SUPT5H: variants seen among roughly 807,000 people sequenced by gnomAD.
SUPT5H encodes the protein transcription elongation factor SPT5.
A neutral mutation model predicts 142.5 loss-of-function variants in SUPT5H; 24 were observed. That is an observed-to-expected ratio of 0.17 (90% confidence interval 0.12 to 0.24). The LOEUF is 0.24. Ranked by LOEUF, SUPT5H falls within the 10% of genes least tolerant of loss-of-function variation. SUPT5H has a pLI of 1.00. For missense variants in SUPT5H, 893 were observed against 1,471.8 expected (o/e 0.61, Z 6.43); for synonymous variants, 546 against 553.0 (o/e 0.99, Z 0.18).
intron 3 of SUPT5H, among the ~76,000 whole-genome samples, chr19:39,456,126 A>G (rs1184027793): frequency 6.6e-6 from 1 of 151,560 alleles, no homozygotes; most frequent in Non-Finnish European, 1.5e-5. Flanking sequence ...CATGTTGGCC[A>G]GGCTGGTCTC....
Position 39,459,872 on chromosome 19 carries a change from A to G in SUPT5H, c.556-20A>G. 1 of 1,613,308 alleles carries G rather than the reference A, an allele frequency of 6.2e-7. No individual in the cohort carries two copies. Among genetic ancestry groups the G allele is most frequent in the Non-Finnish European group, 8.5e-7 (1 of 1,179,704 alleles). ...TCCTCCATCCTGTCATCTCTCTCAA[A>G]TCTGCCTCTCATCTTCCAGATTGGG... On this transcript the variant is annotated intron_variant, in intron 9 of 29. Transcript: ENST00000432763.
In SUPT5H at chr19:39,457,893, C is replaced by T. The variant is rs776528579; in HGVS notation, c.307+153C>T. 1.5e-5 allele frequency: 21 copies of T among 1,386,412 alleles called. No homozygotes were observed. In the East Asian group the frequency reaches 2.2e-4, roughly 15 times the overall value. The allele number at this position is 1,386,412 out of a possible 1,614,324, so 85.9% of individuals were successfully genotyped here. On this transcript the variant is annotated intron_variant, in intron 4 of 29. Coordinates refer to ENST00000432763, the MANE Select transcript of SUPT5H (RefSeq NM_001111020.3). ...TCTGTCCTTCCCAGAGAGACCAGCTCCCTGCTTTTTCCTTTTAGGCCCATG... is the reference window on the plus strand; with the variant it reads ...TCTGTCCTTCCCAGAGAGACCAGCTTCCTGCTTTTTCCTTTTAGGCCCATG...
Position 39,458,241 on chromosome 19 carries a change from CCA to C in SUPT5H, c.308-51_308-50del. ...CTTTGTCTGCCCTCGCCCACCACCA[CCA>C]CCACCACCACCACCACCACCACCAC... On this transcript the variant is annotated intron_variant, in intron 4 of 29. Coordinates refer to ENST00000432763, the MANE Select transcript of SUPT5H (RefSeq NM_001111020.3). This position sits in a 1 kb window ranked among gnomAD's most constrained non-coding sequence, Gnocchi z 4.2. 2.1e-6 allele frequency: 2 copies of C among 974,206 alleles called. No homozygotes were observed. The highest frequency in any genetic ancestry group is 3.1e-6 in the Non-Finnish European group (2 of 644,900). 60.3% of individuals were successfully genotyped at this position (974,206 alleles called of 1,614,324 possible). A position where few individuals can be genotyped will look rare whatever the true frequency, so the allele number is the denominator to read the frequency against.
At position 39,453,496 on chromosome 19, in the gene SUPT5H, T is replaced by C. The variant is rs2079047102; in HGVS notation, c.216T>C (p.His72=). 3 of 1,547,888 alleles carry C rather than the reference T, an allele frequency of 1.9e-6. No homozygotes were observed. The highest frequency in any genetic ancestry group is 1.4e-5 in the African/African-American group (1 of 72,930). Residue 72 remains histidine (H), a synonymous_variant, in exon 3 of 30, where the codon CAT becomes CAC. Transcript: ENST00000432763. ...ACCGACCCCCCAAGAAACCCCGCCA[T>C]GGAGGCTTCATTCTGGACGAGGCTG... ...DDDRPPKKPR[H]GGFILDEADV... is the part of the protein sequence containing the mutation.
chr19:39,458,380 C>T lies in SUPT5H; in HGVS notation c.319+75C>T. 2 of 1,601,868 alleles carry T rather than the reference C, an allele frequency of 1.2e-6. No homozygotes were observed. Reference sequence around the variant, plus strand: ...ATTTCCTCCTTCCTGAGGCACCTGCCCTCACCGGTAGCCTCCCCACCAGCC... The same window carrying T: ...ATTTCCTCCTTCCTGAGGCACCTGCTCTCACCGGTAGCCTCCCCACCAGCC... On this transcript the variant is annotated intron_variant, in intron 5 of 29. Coordinates refer to ENST00000432763, the MANE Select transcript of SUPT5H (RefSeq NM_001111020.3). This position sits in a 1 kb window ranked among gnomAD's most constrained non-coding sequence, Gnocchi z 4.2.
In SUPT5H at chr19:39,466,322, C is replaced by T. The variant is rs1350744569; in HGVS notation, c.877-158C>T. 6.6e-6 allele frequency among the ~76,000 whole-genome samples: 1 copy of T among 152,182 alleles called. No homozygotes were observed. Among genetic ancestry groups the T allele is most frequent in the Admixed American group, 6.5e-5 (1 of 15,276 alleles). The stretch of plus-strand genomic sequence containing the variant: ...CTACTCAGTGCCAGAGTTGAGGGGA[C>T]AGACAAGCTAGCGTGGGACTTTTGG... On this transcript the variant is annotated intron_variant, in intron 11 of 29. Coordinates refer to ENST00000432763, the MANE Select transcript of SUPT5H (RefSeq NM_001111020.3). This position sits in a 1 kb window ranked among gnomAD's most constrained non-coding sequence, Gnocchi z 4.3.
chr19:39,453,612 TCTGTCGCC>T, intron 3 of SUPT5H, 91 bp downstream of exon 3: 2 of 1,394,368 alleles, frequency 1.4e-6, no homozygotes, highest in Non-Finnish European at 1.9e-6. Flanking sequence ...GGAGTCTCGC[TCTGTCGCC>T]CAGGCTGGAG....
In SUPT5H at chr19:39,466,978, A is replaced by G. The variant is rs1320148077; in HGVS notation, c.1037+233A>G. 3.7e-6 allele frequency: 2 copies of G among 537,652 alleles called. No homozygotes were observed. The highest frequency in any genetic ancestry group is 3.1e-5 in the East Asian group (1 of 32,478). 33.3% of individuals were successfully genotyped at this position (537,652 alleles called of 1,614,324 possible). ...AGGGAGCACTTTGGAAGGCTAAGGC[A>G]GGAGGCTTGCTTGAGGCAAGGAGTT... On this transcript the variant is annotated intron_variant, in intron 13 of 29. Transcript: ENST00000432763. This position sits in a 1 kb window ranked among gnomAD's most constrained non-coding sequence, Gnocchi z 4.3.
Position 39,469,888 on chromosome 19 carries a change from T to G in SUPT5H, c.1375-231T>G. The G allele has an allele frequency of 1.8e-6, 1 of 554,462 alleles. No homozygotes were observed. The allele number at this position is 554,462 out of a possible 1,614,324, so 34.3% of individuals were successfully genotyped here. A position where few individuals can be genotyped will look rare whatever the true frequency, so the allele number is the denominator to read the frequency against. ...TGGGTATAGGTAGGCATCGTGTGTCTTGAGGGCGGGCTGGGGTAAAGGTTG... is the reference window on the plus strand; with the variant it reads ...TGGGTATAGGTAGGCATCGTGTGTCGTGAGGGCGGGCTGGGGTAAAGGTTG... On this transcript the variant is annotated intron_variant, in intron 16 of 29. Coordinates refer to ENST00000432763, the MANE Select transcript of SUPT5H (RefSeq NM_001111020.3). The surrounding 1 kb of genome is among the most constrained non-coding windows in gnomAD (Gnocchi z 5.1).
At chr19:39,464,671 A>G in intron 10 of SUPT5H, 127 bp from the exon 11 acceptor site, 2 of 1,374,836 alleles carry the variant, frequency 1.5e-6, no homozygotes, top group East Asian at 2.4e-5. Context: ...CTTTGTGTCC[A>G]TGTCATTGTG....
intron 8 of SUPT5H, 111 bp from the exon 9 acceptor site, chr19:39,459,448 G>A (rs2079133225): frequency 1.4e-6 from 2 of 1,454,968 alleles, no homozygotes; most frequent in Non-Finnish European, 1.9e-6. Context: ...GTCAGTGAGT[G>A]TGAGGGAACC....
chr19:39,466,720 A>T lies in SUPT5H; in HGVS notation c.1012A>T (p.Arg338Trp). The T allele has an allele frequency of 6.2e-7, 1 of 1,614,154 alleles. No individual in the cohort carries two copies. The highest frequency in any genetic ancestry group is 8.5e-7 in the Non-Finnish European group (1 of 1,180,030). Residue 338 changes from arginine (R) to tryptophan (W), a missense_variant, in exon 13 of 30, where the codon AGG (arginine) becomes TGG (tryptophan). This residue lies in a region of SUPT5H where 428 missense variants were observed against 763.5 expected (regional missense o/e 0.56). Transcript: ENST00000432763. The surrounding 1 kb of genome is among the most constrained non-coding windows in gnomAD (Gnocchi z 4.3). The part of the protein sequence containing the change: ...KRKKFKRPPQ[R>W]LFDAEKIRSL... ...GAAGAAGTTTAAGCGGCCTCCACAG[A>T]GGCTGTTTGATGCTGAGAAGATCAG...
In SUPT5H at chr19:39,457,924, G is replaced by T. The variant is rs1036081350; in HGVS notation, c.307+184G>T. 5 of 1,124,144 alleles carry T rather than the reference G, an allele frequency of 4.4e-6. No individual in the cohort carries two copies. The African/African-American group carries it at 7.7e-5, about 17-fold the overall frequency. The allele number at this position is 1,124,144 out of a possible 1,614,324, so 69.6% of individuals were successfully genotyped here. ...TTTTTCCTTTTAGGCCCATGAGTGG[G>T]GGGTGGGGCCCTGGGGTGGGGATGT... On this transcript the variant is annotated intron_variant, in intron 4 of 29. Transcript: ENST00000432763.
At chr19:39,457,884 AG>A in intron 4 of SUPT5H, 144 bp downstream of exon 4, 2 of 1,413,962 alleles carry the variant, frequency 1.4e-6, no homozygotes, top group South Asian at 2.5e-5. Flanking sequence ...CTTCCCAGAG[AG>A]ACCAGCTCCC....
intron 3 of SUPT5H, among the ~76,000 whole-genome samples, chr19:39,456,296 C>T (rs2146087946): frequency 6.6e-6 from 1 of 151,268 alleles, no homozygotes; most frequent in East Asian, 1.9e-4. Flanking sequence ...GTGGCATGAT[C>T]ATGGCTCACT....
Position 39,458,679 on chromosome 19 carries a change from G to A in SUPT5H, c.320-139G>A. Reference sequence around the variant, plus strand: ...TGAGTAGGACAGAGTAGGGGATGAGGGGTTGGGATTTCCTCTGTGAGATGT... The same window carrying A: ...TGAGTAGGACAGAGTAGGGGATGAGAGGTTGGGATTTCCTCTGTGAGATGT... On this transcript the variant is annotated intron_variant, in intron 5 of 29. Coordinates refer to ENST00000432763, the MANE Select transcript of SUPT5H (RefSeq NM_001111020.3). The surrounding 1 kb of genome is among the most constrained non-coding windows in gnomAD (Gnocchi z 4.2). 1.2e-6 allele frequency: 1 copy of A among 808,328 alleles called. No individual in the cohort carries two copies. Among genetic ancestry groups the A allele is most frequent in the Non-Finnish European group, 2.0e-6 (1 of 512,802 alleles). 50.1% of individuals were successfully genotyped at this position (808,328 alleles called of 1,614,324 possible).
Position 39,476,064 on chromosome 19 carries a change from C to T in SUPT5H, c.3025-17C>T, listed in dbSNP as rs779022985. 4 of 1,612,116 alleles carry T rather than the reference C, an allele frequency of 2.5e-6. No individual in the cohort carries two copies. In the South Asian group the frequency reaches 4.4e-5, roughly 18 times the overall value. On this transcript the variant is annotated splice_polypyrimidine_tract_variant and intron_variant, in intron 28 of 29. Coordinates refer to ENST00000432763, the MANE Select transcript of SUPT5H (RefSeq NM_001111020.3). Reference sequence around the variant, plus strand: ...TTGGGAGCAGGACAGGCTGACCAGGCTGTCCCCATCCTCCAGGGGGGCATG... The same window carrying T: ...TTGGGAGCAGGACAGGCTGACCAGGTTGTCCCCATCCTCCAGGGGGGCATG...
chr19:39,468,990 T>C lies in SUPT5H; in HGVS notation c.1144-89T>C. The C allele has an allele frequency of 2.5e-6, 4 of 1,568,776 alleles. No homozygotes were observed. In the South Asian group the frequency reaches 4.5e-5, roughly 18 times the overall value. On this transcript the variant is annotated intron_variant, in intron 14 of 29. Coordinates refer to ENST00000432763, the MANE Select transcript of SUPT5H (RefSeq NM_001111020.3). ...TAGGAGTGTTCCCTAGGAGAATTAT[T>C]CCCCTAGGACCCACTCAGCCCACTC... is the stretch of plus-strand genomic sequence containing the variant.
At chr19:39,453,012 CAAA>C (rs201092518) in intron 2 of SUPT5H, among the ~76,000 whole-genome samples, 34 of 109,286 alleles carry the variant, frequency 3.1e-4, no homozygotes, top group Admixed American at 3.8e-4. Context: ...GACTCTGTCT[CAAA>C]AAAAAAAAAA....
Sources: gnomAD v4.1 joint callset for allele counts (sites outside exome capture counted in the v4.1 genomes callset) on GRCh38, gnomAD v4.1.1 for gene constraint, gnomAD v4.1.1 regional missense constraint, Gnocchi (gnomAD v3.1) non-coding constraint, MANE v1.5 for transcripts, NCBI Gene and HGNC (gene_info 2026-07-23, HGNC 2026-07-21) for gene names.